FSTL5: variants seen among roughly 807,000 people sequenced by gnomAD.
FSTL5 encodes follistatin-related protein 5.
FSTL5 carries 62 observed loss-of-function variants against 89.1 expected under a neutral mutation model. That is an observed-to-expected ratio of 0.70 (90% confidence interval 0.57 to 0.86). The LOEUF is 0.86. Among genes scored for constraint, FSTL5 ranks in the 40% least tolerant of loss-of-function variants. The probability of loss-of-function intolerance (pLI) is 0.00; values close to 1 mark genes in which losing one functional copy is unlikely to be tolerated. For missense variants in FSTL5, 1,057 were observed against 1,001.6 expected (o/e 1.06, Z -0.75); for synonymous variants, 383 against 346.2 (o/e 1.11, Z -1.18).
intron 3 of FSTL5, among the ~76,000 whole-genome samples, chr4:162,012,041 A>G (rs78723639): frequency 0.11 from 16,254 of 152,242 alleles, 906 homozygotes; most frequent in Non-Finnish European, 0.13. Flanking sequence ...ATACCTAGGC[A>G]AGTACTTTGC....
chr4:161,439,907 A>C (rs775191650), intron 15 of FSTL5, among the ~76,000 whole-genome samples: 10 of 152,172 alleles, frequency 6.6e-5, no homozygotes, highest in Non-Finnish European at 1.2e-4. Context: ...TGAATGGCCA[A>C]AGTGAATGGG....
chr4:161,484,251 T>G (rs1298473479), intron 12 of FSTL5, among the ~76,000 whole-genome samples: 1 of 152,114 alleles, frequency 6.6e-6, no homozygotes, highest in East Asian at 1.9e-4. Flanking sequence ...TTTTTCTTAT[T>G]CTCCTTCTCA....
chr4:161,464,779 T>C (rs918076540), intron 13 of FSTL5, among the ~76,000 whole-genome samples: 2 of 152,086 alleles, frequency 1.3e-5, no homozygotes, highest in African/African-American at 4.8e-5. Context: ...AAGATCATGA[T>C]CATTATTGTT....
At chr4:161,705,613 G>C (rs900581724) in intron 6 of FSTL5, among the ~76,000 whole-genome samples, 1 of 151,658 alleles carries the variant, frequency 6.6e-6, no homozygotes, top group African/African-American at 2.4e-5. Context: ...ACTGCCTACT[G>C]CCTGCGCTAC....
chr4:161,812,015 T>G (rs971203546), intron 4 of FSTL5, among the ~76,000 whole-genome samples: 5 of 152,134 alleles, frequency 3.3e-5, no homozygotes, highest in Admixed American at 2.6e-4. Flanking sequence ...CTGGGAAATA[T>G]GTGAATATAA....
At chr4:162,031,956 G>A (rs889580811) in intron 3 of FSTL5, among the ~76,000 whole-genome samples, 4 of 151,836 alleles carry the variant, frequency 2.6e-5, no homozygotes, top group African/African-American at 9.7e-5. Flanking sequence ...AAAAAAGTTA[G>A]AAGTCTAAAA....
chr4:161,646,691 G>T (rs990782160), intron 7 of FSTL5, among the ~76,000 whole-genome samples: 1 of 152,034 alleles, frequency 6.6e-6, no homozygotes, highest in Admixed American at 6.5e-5. Flanking sequence ...AATTTCAGTT[G>T]TTTATTATCT....
chr4:161,699,038 T>C (rs189828501), intron 6 of FSTL5, among the ~76,000 whole-genome samples: 1 of 152,204 alleles, frequency 6.6e-6, no homozygotes, highest in East Asian at 1.9e-4. Flanking sequence ...GTGAAAAGCA[T>C]GAGGCATAGA....
intron 8 of FSTL5, among the ~76,000 whole-genome samples, chr4:161,544,112 A>AT (rs367556978): frequency 1.9e-4 from 29 of 152,150 alleles, no homozygotes; most frequent in African/African-American, 7.0e-4. Flanking sequence ...TAAATGGCTA[A>AT]TTAAGCATAT....
At position 161,607,721 on chromosome 4, in the gene FSTL5, C is replaced by T. The variant is rs556892701; in HGVS notation, c.895-20146G>A. On this transcript the variant is annotated intron_variant, in intron 7 of 15. Transcript: ENST00000306100. ...GAATAAAGCAAGCTGGTTTTTGTGC[C>T]GCTTCTAATCTTAAATCAGTCAACT... 3.3e-5 allele frequency among the ~76,000 whole-genome samples: 5 copies of T among 152,208 alleles called. No homozygotes were observed. The East Asian group carries it at 5.8e-4, about 18-fold the overall frequency.
chr4:162,123,703 C>A (rs1395262021), intron 1 of FSTL5, among the ~76,000 whole-genome samples: 1 of 152,108 alleles, frequency 6.6e-6, no homozygotes, highest in Non-Finnish European at 1.5e-5. Context: ...CAATCATAGC[C>A]AGTGGTCAGA....
chr4:161,780,777 T>A (rs1180113375), intron 4 of FSTL5, among the ~76,000 whole-genome samples: 3 of 152,182 alleles, frequency 2.0e-5, no homozygotes, highest in Non-Finnish European at 4.4e-5. Context: ...CAGTTTTGAG[T>A]ACATGATAAG....
chr4:161,428,205 C>T (rs1035130796), intron 15 of FSTL5, among the ~76,000 whole-genome samples: 47 of 152,186 alleles, frequency 3.1e-4, no homozygotes, highest in African/African-American at 1.0e-3. Context: ...TCATCCATCC[C>T]AGGGGTCAGA....
intron 6 of FSTL5, among the ~76,000 whole-genome samples, chr4:161,698,335 C>A (rs1738257166): frequency 6.6e-6 from 1 of 152,080 alleles, no homozygotes; most frequent in Non-Finnish European, 1.5e-5. Context: ...AAATTCAGAG[C>A]AGAATGGTGA....
At chr4:161,754,943 C>T (rs1396978436) in intron 6 of FSTL5, among the ~76,000 whole-genome samples, 1 of 152,026 alleles carries the variant, frequency 6.6e-6, no homozygotes, top group Non-Finnish European at 1.5e-5. Context: ...GCACTATTAA[C>T]TCATTTTTAA....
At chr4:161,459,767 C>T (rs142386481) in intron 13 of FSTL5, among the ~76,000 whole-genome samples, 81 of 152,012 alleles carry the variant, frequency 5.3e-4, no homozygotes, top group African/African-American at 1.8e-3. Context: ...ATTCTGATTA[C>T]AAGATTTCAC....
At chr4:161,612,769 T>C (rs981677635) in intron 7 of FSTL5, among the ~76,000 whole-genome samples, 2 of 152,162 alleles carry the variant, frequency 1.3e-5, no homozygotes, top group Non-Finnish European at 2.9e-5. Flanking sequence ...GAGAACAGTA[T>C]TGAAGTGGGA....
rs141613671 is a variant in FSTL5, at chr4:162,130,301, C to G, written c.-16-18889G>C. ...GTTTCATGATAACTATGCATTTAAC[C>G]CTTATCACGTGCATAATAAAGAGGT... On this transcript the variant is annotated intron_variant, in intron 1 of 15. Transcript: ENST00000306100. Among the ~76,000 whole-genome samples, 1,207 of 152,096 alleles carry G rather than the reference C, an allele frequency of 7.9e-3. 4 individuals are homozygous for G. The highest frequency in any genetic ancestry group is 0.013 in the Non-Finnish European group (886 of 67,976).
At chr4:161,669,506 G>C (rs1252646413) in intron 6 of FSTL5, among the ~76,000 whole-genome samples, 1 of 152,054 alleles carries the variant, frequency 6.6e-6, no homozygotes, top group Non-Finnish European at 1.5e-5. Flanking sequence ...ATAGTGAACT[G>C]ATCTCTGACA....
Sources: gnomAD v4.1 joint callset for allele counts (sites outside exome capture counted in the v4.1 genomes callset) on GRCh38, gnomAD v4.1.1 for gene constraint, MANE v1.5 for transcripts, NCBI Gene and HGNC (gene_info 2026-07-23, HGNC 2026-07-21) for gene names.